NKAIN3: variants seen among roughly 807,000 people sequenced by gnomAD.
NKAIN3 encodes the protein sodium/potassium transporting ATPase interacting 3.
In NKAIN3, 25 loss-of-function variants were observed where a neutral mutation model predicts 30.2. The observed-to-expected ratio is 0.83, with a 90% CI of 0.60 to 1.16. The LOEUF is 1.16. NKAIN3 is among the 50% of genes most tolerant of loss of function. The pLI is 0.00. For synonymous variants in NKAIN3, 91 were observed against 89.6 expected (o/e 1.02, Z -0.09); for missense variants, 225 against 254.1 (o/e 0.89, Z 0.78).
rs1435176747 is a variant in NKAIN3, at chr8:62,863,197, C to A, written c.472-55256C>A. The A allele has an allele frequency of 1.9e-6, 3 of 1,544,372 alleles. No individual in the cohort carries two copies. In the African/African-American group the frequency reaches 4.1e-5, roughly 21 times the overall value. On this transcript the variant is annotated intron_variant, in intron 4 of 6. Transcript: ENST00000623646. Reference sequence around the variant, plus strand: ...CTCCAATTCTTCTATCTCCTGCAGGCGTTTTTCCAATAACTCAGCCTGCCT... The same window carrying A: ...CTCCAATTCTTCTATCTCCTGCAGGAGTTTTTCCAATAACTCAGCCTGCCT...
intron 3 of NKAIN3, among the ~76,000 whole-genome samples, chr8:62,673,135 C>G (rs751862661): frequency 4.6e-5 from 7 of 152,220 alleles, no homozygotes; most frequent in Non-Finnish European, 7.3e-5. Flanking sequence ...CCATCTTTGT[C>G]TGATTCCAGC....
chr8:62,777,297 C>G (rs1817222176), intron 4 of NKAIN3, among the ~76,000 whole-genome samples: 1 of 152,276 alleles, frequency 6.6e-6, no homozygotes, highest in South Asian at 2.1e-4. Flanking sequence ...CCCTATCTCT[C>G]TGTCTACCTC....
chr8:62,361,010 T>TA (rs3085311), intron 1 of NKAIN3, among the ~76,000 whole-genome samples: 7 of 146,080 alleles, frequency 4.8e-5, no homozygotes, highest in African/African-American at 1.0e-4. Flanking sequence ...ATTCCCCAGC[T>TA]AAAAAAAAAA....
chr8:62,337,829 C>T (rs923043079), intron 1 of NKAIN3, among the ~76,000 whole-genome samples: 1 of 151,900 alleles, frequency 6.6e-6, no homozygotes, highest in Non-Finnish European at 1.5e-5. Flanking sequence ...GAATTAATTT[C>T]ACAACTGCAG....
intron 1 of NKAIN3, among the ~76,000 whole-genome samples, chr8:62,571,960 C>G (rs2130023818): frequency 6.6e-6 from 1 of 152,230 alleles, no homozygotes. Flanking sequence ...CTCTGACATG[C>G]CCTGGAGACA....
chr8:62,504,221 GT>G (rs1254012833), intron 1 of NKAIN3, among the ~76,000 whole-genome samples: 1 of 152,016 alleles, frequency 6.6e-6, no homozygotes, highest in Non-Finnish European at 1.5e-5. Context: ...TCCTGAAACT[GT>G]CCCCCCACCA....
chr8:62,894,002 T>C (rs1821362629), intron 4 of NKAIN3, among the ~76,000 whole-genome samples: 1 of 152,136 alleles, frequency 6.6e-6, no homozygotes, highest in Admixed American at 6.6e-5. Flanking sequence ...ATACTACCAA[T>C]GAAAACCCAG....
At chr8:62,402,625 G>A (rs1012271480) in intron 1 of NKAIN3, among the ~76,000 whole-genome samples, 6 of 152,220 alleles carry the variant, frequency 3.9e-5, no homozygotes, top group East Asian at 1.9e-4. Flanking sequence ...CCGTCCTGCC[G>A]CCCTGTGAAG....
intron 1 of NKAIN3, among the ~76,000 whole-genome samples, chr8:62,343,806 A>G (rs1034065884): frequency 6.6e-6 from 1 of 151,958 alleles, no homozygotes; most frequent in Non-Finnish European, 1.5e-5. Flanking sequence ...TCAAGTCTCT[A>G]TCTCTTAAAA....
intron 3 of NKAIN3, among the ~76,000 whole-genome samples, chr8:62,601,472 G>A (rs1429784691): frequency 6.6e-6 from 1 of 152,030 alleles, no homozygotes; most frequent in Non-Finnish European, 1.5e-5. Context: ...GTATCCTGAA[G>A]TAAATGGATC....
intron 5 of NKAIN3, among the ~76,000 whole-genome samples, chr8:62,952,217 AT>A (rs1488745169): frequency 6.6e-6 from 1 of 152,160 alleles, no homozygotes; most frequent in East Asian, 1.9e-4. Flanking sequence ...TTTTGTGGAA[AT>A]AATACAATAC....
intron 4 of NKAIN3, among the ~76,000 whole-genome samples, chr8:62,864,938 T>A (rs976084606): frequency 2.0e-5 from 3 of 152,078 alleles, no homozygotes; most frequent in African/African-American, 7.2e-5. Context: ...GCGGCGTGTA[T>A]GGCATTTGAG....
chr8:62,414,486 CAGTT>C (rs1269260531), intron 1 of NKAIN3, among the ~76,000 whole-genome samples: 1 of 152,158 alleles, frequency 6.6e-6, no homozygotes, highest in African/African-American at 2.4e-5. Flanking sequence ...TGTTGTGTGA[CAGTT>C]AGCAACAATT....
At chr8:62,782,985 T>C (rs1817400148) in intron 4 of NKAIN3, among the ~76,000 whole-genome samples, 1 of 151,968 alleles carries the variant, frequency 6.6e-6, no homozygotes, top group Admixed American at 6.6e-5. Context: ...CTCAAGGTGA[T>C]AGATACCCCA....
At chr8:62,802,948 A>C (rs937398133) in intron 4 of NKAIN3, among the ~76,000 whole-genome samples, 2 of 152,326 alleles carry the variant, frequency 1.3e-5, no homozygotes, top group African/African-American at 4.8e-5. Context: ...AAACAAAAAA[A>C]GGCAGGGGTT....
intron 4 of NKAIN3, among the ~76,000 whole-genome samples, chr8:62,816,725 A>C (rs529049404): frequency 5.1e-4 from 77 of 152,116 alleles, no homozygotes; most frequent in African/African-American, 1.8e-3. Context: ...GATATGGGGG[A>C]GTGTCAGCAG....
At chr8:62,634,842 A>C (rs1812076361) in intron 3 of NKAIN3, among the ~76,000 whole-genome samples, 1 of 152,178 alleles carries the variant, frequency 6.6e-6, no homozygotes, top group Non-Finnish European at 1.5e-5. Context: ...GCCTTGGAAC[A>C]GCATGGTGAA....
At chr8:62,303,527 G>C (rs908221647) in intron 1 of NKAIN3, among the ~76,000 whole-genome samples, 5 of 150,536 alleles carry the variant, frequency 3.3e-5, no homozygotes, top group Admixed American at 1.3e-4. Flanking sequence ...TTAATGTGTT[G>C]AAGGGATTCA....
At chr8:62,750,759 A>G (rs1010819232) in intron 4 of NKAIN3, among the ~76,000 whole-genome samples, 7 of 152,072 alleles carry the variant, frequency 4.6e-5, no homozygotes, top group African/African-American at 1.7e-4. Flanking sequence ...AATCCATAGA[A>G]AGGTTGTGGA....
Sources: allele counts gnomAD v4.1 joint callset (sites outside exome capture counted in the v4.1 genomes callset), GRCh38; gene constraint gnomAD v4.1.1; transcripts MANE v1.5; gene names NCBI Gene and HGNC (gene_info 2026-07-23, HGNC 2026-07-21).